Variants in TRIML1 observed in about 807,000 individuals in gnomAD.
TRIML1 encodes the protein tripartite motif family like 1.
TRIML1 carries 34 observed loss-of-function variants against 32.3 expected under a neutral mutation model. That is an observed-to-expected ratio of 1.05 (90% CI 0.80 to 1.40). The LOEUF (loss-of-function observed/expected upper bound fraction) is 1.40. Among genes scored for constraint, TRIML1 ranks in the 40% most tolerant of loss-of-function variants. TRIML1 has a pLI of 0.00. For synonymous variants in TRIML1, 244 were observed against 226.6 expected (o/e 1.08, Z -0.69); for missense variants, 595 against 574.9 (o/e 1.03, Z -0.36).
intron 1 of TRIML1, 54 bp from the exon 2 acceptor site, chr4:188,140,474 C>T (rs931970050): frequency 1.4e-5 from 21 of 1,464,108 alleles, no homozygotes; most frequent in African/African-American, 2.8e-5. Context: ...TTCAAAGCCC[C>T]TTCATGACCT....
At chr4:188,137,475 CTTTTTTTTTT>C (rs70938701), upstream of TRIML1, among the ~76,000 whole-genome samples, 1 of 101,482 alleles carries the variant, frequency 9.9e-6, no homozygotes, top group South Asian at 3.5e-4. Context: ...GCTATTTTTA[CTTTTTTTTTT>C]TTTTTTTTTG....
chr4:188,140,002 T>C (rs1399257671), intron 1 of TRIML1, 36 bp downstream of exon 1: 67 of 1,549,438 alleles, frequency 4.3e-5, no homozygotes, highest in African/African-American at 5.5e-5. Context: ...CCACGACTCA[T>C]CGCAGCTAAC....
At chr4:188,141,812 C>T (rs1734864236) in intron 2 of TRIML1, among the ~76,000 whole-genome samples, 1 of 151,972 alleles carries the variant, frequency 6.6e-6, no homozygotes. Flanking sequence ...GGAATTGTTG[C>T]CATGAAACTC....
chr4:188,142,259 C>T lies in TRIML1; in HGVS notation c.512C>T (p.Thr171Ile). The change falls in exon 3 of 6, where the codon ACA becomes ATA. Residue 171 changes from threonine to isoleucine, a missense_variant. Transcript: ENST00000332517. Reference protein sequence around the residue: ...KERVKLCQEETKTCKQVVVSE... With the variant: ...KERVKLCQEEIKTCKQVVVSE... Reference sequence around the variant, plus strand: ...GTGTGTGTGTTTTGGCAGGAAGAAACAAAGACTTGTAAACAGGTTGTTGTG... The same window carrying T: ...GTGTGTGTGTTTTGGCAGGAAGAAATAAAGACTTGTAAACAGGTTGTTGTG... 6.3e-7 allele frequency: 1 copy of T among 1,596,538 alleles called. No homozygotes were observed. The highest frequency in any genetic ancestry group is 1.1e-5 in the South Asian group (1 of 90,698).
intron 2 of TRIML1, among the ~76,000 whole-genome samples, chr4:188,141,272 A>G (rs1273578100): frequency 6.8e-6 from 1 of 146,972 alleles, no homozygotes; most frequent in Non-Finnish European, 1.5e-5. Flanking sequence ...GGTTCAAGTG[A>G]TTCTCCTGCC....
At chr4:188,150,637 C>A (rs1735229384), downstream of TRIML1, among the ~76,000 whole-genome samples, 1 of 151,906 alleles carries the variant, frequency 6.6e-6, no homozygotes, top group Non-Finnish European at 1.5e-5. Context: ...AGTGATACAT[C>A]CTTTCCTTTC....
Position 188,147,090 on chromosome 4 carries a change from G to T in TRIML1, c.1125G>T (p.Leu375=). 6.2e-7 allele frequency: 1 copy of T among 1,614,020 alleles called. No individual in the cohort carries two copies. ...KGNLPKPPGD[L]FSLIGLKIGD... is the part of the protein sequence containing the mutation. Reference sequence around the variant, plus strand: ...ATCTCCCCAAGCCACCTGGGGACCTGTTCTCACTAATAGGTTTAAAAATCG... The same window carrying T: ...ATCTCCCCAAGCCACCTGGGGACCTTTTCTCACTAATAGGTTTAAAAATCG... Residue 375 remains leucine, a synonymous_variant, in exon 6 of 6, where the codon CTG becomes CTT. Coordinates refer to ENST00000332517, the MANE Select transcript of TRIML1 (RefSeq NM_178556.5).
At chr4:188,145,864 C>T (rs1312401577) in intron 5 of TRIML1, among the ~76,000 whole-genome samples, 1 of 152,024 alleles carries the variant, frequency 6.6e-6, no homozygotes. Context: ...ACTGTCGGTT[C>T]ACAGACTATG....
In TRIML1 at chr4:188,147,013, A is replaced by G; in HGVS notation, c.1048A>G (p.Lys350Glu). ...CTACTGGGAGGTGGAGGTGGGAAAC[A>G]AGACCGAGTGGGAAGTGGGCATCTG... is the stretch of plus-strand genomic sequence containing the variant. Reference protein sequence around the residue: ...RHYWEVEVGNKTEWEVGICKD... With the variant: ...RHYWEVEVGNETEWEVGICKD... The change falls in exon 6 of 6, where the codon AAG (lysine) becomes GAG (glutamate). Residue 350 changes from lysine (K) to glutamate (E), a missense_variant. Physicochemically the swap from Lys to Glu is moderately conservative, Grantham distance 56 (BLOSUM62 1). Coordinates refer to ENST00000332517, the MANE Select transcript of TRIML1 (RefSeq NM_178556.5). The G allele has an allele frequency of 6.2e-7, 1 of 1,600,606 alleles. No homozygotes were observed. Among genetic ancestry groups the G allele is most frequent in the Non-Finnish European group, 8.5e-7 (1 of 1,172,838 alleles).
chr4:188,147,203 A>G lies in TRIML1; in HGVS notation c.1238A>G (p.Tyr413Cys). 1.2e-6 allele frequency: 2 copies of G among 1,613,838 alleles called. No homozygotes were observed. Among genetic ancestry groups the G allele is most frequent in the Non-Finnish European group, 8.5e-7 (1 of 1,179,930 alleles). ...PVCKVGVFLD[Y>C]ESGHIAFYNG... ...TGTAAGGTTGGTGTCTTCCTGGACT[A>G]TGAATCTGGACATATAGCATTCTAC... is the stretch of plus-strand genomic sequence containing the variant. The change falls in exon 6 of 6, where the codon TAT (tyrosine) becomes TGT (cysteine). Residue 413 changes from tyrosine to cysteine, a missense_variant. Transcript: ENST00000332517.
chr4:188,139,641 C>A lies in TRIML1; in HGVS notation c.83C>A (p.Thr28Asn), dbSNP rs1346894199. ...ICLDYFSSPV[T>N]TECGHSFCLV... The stretch of plus-strand genomic sequence containing the variant: ...TTAGACTATTTCAGCAGCCCAGTGA[C>A]CACCGAGTGTGGGCACAGCTTTTGT... The change falls in exon 1 of 6, where the codon ACC becomes AAC. Residue 28 changes from threonine to asparagine, a missense_variant. By Grantham distance (65) the Thr-to-Asn change is moderately conservative (BLOSUM62 0). Coordinates refer to ENST00000332517, the MANE Select transcript of TRIML1 (RefSeq NM_178556.5). 2 of 1,614,012 alleles carry A rather than the reference C, an allele frequency of 1.2e-6. No individual in the cohort carries two copies. Among genetic ancestry groups the A allele is most frequent in the Admixed American group, 1.7e-5 (1 of 59,998 alleles).
chr4:188,137,295 C>CTTTTT (rs67050879), upstream of TRIML1, among the ~76,000 whole-genome samples: 60 of 58,774 alleles, frequency 1.0e-3, no homozygotes, highest in African/African-American at 2.4e-3. Context: ...TTATTGTAGT[C>CTTTTT]TTTTTTTTTT....
chr4:188,149,731 G>A (rs1735201147), downstream of TRIML1, among the ~76,000 whole-genome samples: 4 of 152,142 alleles, frequency 2.6e-5, no homozygotes, highest in Non-Finnish European at 5.9e-5. Flanking sequence ...ATCAGAGTTT[G>A]AGACTTGCAG....
In TRIML1 at chr4:188,147,103, G is replaced by A; in HGVS notation, c.1138G>A (p.Gly380Ser). The change falls in exon 6 of 6, where the codon GGT becomes AGT. Residue 380 changes from glycine (G) to serine (S), a missense_variant. Physicochemically the swap from Gly to Ser is moderately conservative, Grantham distance 56. Transcript: ENST00000332517. Reference sequence around the variant, plus strand: ...ACCTGGGGACCTGTTCTCACTAATAGGTTTAAAAATCGGAGATGATTACAG... The same window carrying A: ...ACCTGGGGACCTGTTCTCACTAATAAGTTTAAAAATCGGAGATGATTACAG... ...KPPGDLFSLI[G>S]LKIGDDYSLW... 1 of 1,614,000 alleles carries A rather than the reference G, an allele frequency of 6.2e-7. No individual in the cohort carries two copies. Among genetic ancestry groups the A allele is most frequent in the Non-Finnish European group, 8.5e-7 (1 of 1,180,014 alleles).
chr4:188,139,200 C>T (rs1166511875), upstream of TRIML1, among the ~76,000 whole-genome samples: 4 of 152,234 alleles, frequency 2.6e-5, no homozygotes, highest in Non-Finnish European at 1.5e-5. Flanking sequence ...CTAAAACCCA[C>T]ATGCTCACAT....
rs796279962 is a variant in TRIML1, at chr4:188,144,605, G to A, written c.856+472G>A. On this transcript the variant is annotated intron_variant, in intron 5 of 5. Transcript: ENST00000332517. ...TCTCGATCTCCTGACCTCGTGATCC[G>A]CCCGCCTCGGCCTCCCAAAGTGCTG... is the stretch of plus-strand genomic sequence containing the variant. 1.9e-3 allele frequency among the ~76,000 whole-genome samples: 293 copies of A among 151,246 alleles called. 2 individuals are homozygous for A. Among genetic ancestry groups the A allele is most frequent in the African/African-American group, 6.5e-3 (270 of 41,330 alleles).
chr4:188,144,504 A>C lies in TRIML1; in HGVS notation c.856+371A>C, dbSNP rs531874401. 4.5e-4 allele frequency among the ~76,000 whole-genome samples: 64 copies of C among 143,574 alleles called. 2 individuals carry two copies. Among genetic ancestry groups the C allele is most frequent in the African/African-American group, 1.0e-3 (40 of 39,360 alleles). The allele number at this position is 143,574 out of a possible 152,430, so 94.2% of individuals were successfully genotyped here. ...CAGCCTCCCGAGTAGCTGGGACTAC[A>C]GGCGCCCGCCACCACGCCTGGGTAA... On this transcript the variant is annotated intron_variant, in intron 5 of 5. Coordinates refer to ENST00000332517, the MANE Select transcript of TRIML1 (RefSeq NM_178556.5).
At chr4:188,140,446 A>G in intron 1 of TRIML1, 82 bp from the exon 2 acceptor site, 1 of 1,097,836 alleles carries the variant, frequency 9.1e-7, no homozygotes, top group Non-Finnish European at 1.4e-6. Flanking sequence ...GAGGCCTAGG[A>G]CTGCGCAGTT....
intron 5 of TRIML1, among the ~76,000 whole-genome samples, chr4:188,145,441 C>CA (rs869253721): frequency 0.061 from 2,061 of 33,944 alleles, 233 homozygotes; most frequent in East Asian, 0.15. Flanking sequence ...GACTCCGTCT[C>CA]AAAAAAAAAA....
Sources: allele counts gnomAD v4.1 joint callset (sites outside exome capture counted in the v4.1 genomes callset), GRCh38; gene constraint gnomAD v4.1.1; transcripts MANE v1.5; gene names NCBI Gene and HGNC (gene_info 2026-07-23, HGNC 2026-07-21).